WDSUB1: variants seen among roughly 807,000 people sequenced by gnomAD.
WDSUB1 encodes WD repeat, SAM and U-box domain-containing protein 1.
WDSUB1 carries 49 observed loss-of-function variants against 53.9 expected under a neutral mutation model. The ratio of observed to expected loss-of-function variants is 0.91; its 90% CI spans 0.72 to 1.15. The LOEUF is 1.15. Ranked by LOEUF, WDSUB1 falls within the 50% of genes most tolerant of loss-of-function variation. WDSUB1 has a pLI of 0.00. For synonymous variants in WDSUB1, 194 were observed against 200.6 expected (o/e 0.97, Z 0.28); for missense variants, 514 against 562.0 (o/e 0.91, Z 0.86).
Position 159,248,443 on chromosome 2 carries a change from G to A in WDSUB1, c.1202C>T (p.Ser401Phe), listed in dbSNP as rs376818440. The A allele has an allele frequency of 9.5e-5, 152 of 1,606,524 alleles. No homozygotes were observed. The highest frequency in any genetic ancestry group is 1.2e-4 in the Non-Finnish European group (138 of 1,177,630). ...EELRTKVKSL[S>F]SGIPDEFICP... ...TATAAATTCATCAGGAATTCCTGAA[G>A]AAAGGGATTTAACCTTGGTCCTGAG... The change falls in exon 10 of 11, where the codon TCT becomes TTT. Residue 401 changes from serine to phenylalanine, a missense_variant. Transcript: ENST00000359774.
chr2:159,275,119 G>A (rs1247451065), intron 4 of WDSUB1, among the ~76,000 whole-genome samples: 4 of 152,056 alleles, frequency 2.6e-5, no homozygotes, highest in African/African-American at 4.8e-5. Context: ...ATAACATAAC[G>A]GAATAGTTTA....
At chr2:159,267,541 G>C (rs1246486566) in intron 5 of WDSUB1, among the ~76,000 whole-genome samples, 2 of 152,098 alleles carry the variant, frequency 1.3e-5, no homozygotes, top group Non-Finnish European at 2.9e-5. Flanking sequence ...CTGGCCTCAA[G>C]TGATCCTTCT....
chr2:159,244,865 A>C (rs549139499), intron 10 of WDSUB1, among the ~76,000 whole-genome samples: 1 of 152,292 alleles, frequency 6.6e-6, no homozygotes, highest in Admixed American at 6.5e-5. Context: ...AGGAGGTCGA[A>C]ACTGCAGTGA....
chr2:159,267,538 C>T (rs2151118478), intron 5 of WDSUB1, among the ~76,000 whole-genome samples: 1 of 152,250 alleles, frequency 6.6e-6, no homozygotes, highest in South Asian at 2.1e-4. Context: ...CTCCTGGCCT[C>T]AAGTGATCCT....
At chr2:159,259,232 C>T (rs56349910) in intron 6 of WDSUB1, among the ~76,000 whole-genome samples, 63,912 of 151,914 alleles carry the variant, frequency 0.42, 14,733 homozygotes, top group Non-Finnish European at 0.54. Flanking sequence ...ACCATGTTGG[C>T]CAGGCTGGTC....
intron 10 of WDSUB1, among the ~76,000 whole-genome samples, chr2:159,239,773 T>G (rs965517718): frequency 6.6e-6 from 1 of 152,168 alleles, no homozygotes. Context: ...GTTTTGGTTG[T>G]TTCACCTCTG....
chr2:159,260,297 T>G (rs2061161702), intron 5 of WDSUB1, among the ~76,000 whole-genome samples: 1 of 151,194 alleles, frequency 6.6e-6, no homozygotes, highest in South Asian at 2.1e-4. Context: ...AAAGTGAGAC[T>G]CTATCTCAAA....
intron 5 of WDSUB1, 119 bp from the exon 6 acceptor site, chr2:159,259,962 AT>A: frequency 9.2e-7 from 1 of 1,083,792 alleles, no homozygotes; most frequent in Non-Finnish European, 1.3e-6. Context: ...ATTAACATAC[AT>A]TTAGAATGCA....
chr2:159,267,052 C>T (rs1176294702), intron 5 of WDSUB1, among the ~76,000 whole-genome samples: 1 of 152,022 alleles, frequency 6.6e-6, no homozygotes, highest in Non-Finnish European at 1.5e-5. Context: ...GGATTACAGG[C>T]ATGAGCCACC....
intron 9 of WDSUB1, among the ~76,000 whole-genome samples, chr2:159,248,967 A>C (rs1015005796): frequency 5.3e-5 from 8 of 152,194 alleles, no homozygotes; most frequent in African/African-American, 1.9e-4. Flanking sequence ...TACCGCATGA[A>C]CTATTGTTTT....
At position 159,242,167 on chromosome 2, in the gene WDSUB1, C is replaced by T. The variant is rs1259402044; in HGVS notation, c.1274-5977G>A. Reference sequence around the variant, plus strand: ...CTGGGTTCATGCCATTCTCCTGCCTCAGCCTCCCAAGCAGCTGGGACTACA... The same window carrying T: ...CTGGGTTCATGCCATTCTCCTGCCTTAGCCTCCCAAGCAGCTGGGACTACA... On this transcript the variant is annotated intron_variant, in intron 10 of 10. Transcript: ENST00000359774. Among the ~76,000 whole-genome samples the T allele has an allele frequency of 1.2e-4, 18 of 147,120 alleles. 4 individuals carry two copies. Among genetic ancestry groups the T allele is most frequent in the African/African-American group, 4.8e-4 (18 of 37,614 alleles).
intron 5 of WDSUB1, among the ~76,000 whole-genome samples, chr2:159,266,987 G>A (rs934570861): frequency 6.6e-6 from 1 of 151,906 alleles, no homozygotes; most frequent in South Asian, 2.1e-4. Context: ...TGCCCAGGCT[G>A]GTCTCAAACT....
chr2:159,251,739 AC>A (rs1422273159), intron 9 of WDSUB1, among the ~76,000 whole-genome samples: 1 of 152,232 alleles, frequency 6.6e-6, no homozygotes, highest in East Asian at 1.9e-4. Context: ...ATGCTACATC[AC>A]TGAGAGTTTG....
intron 8 of WDSUB1, among the ~76,000 whole-genome samples, chr2:159,256,786 A>G (rs1214195212): frequency 6.6e-6 from 1 of 152,214 alleles, no homozygotes; most frequent in African/African-American, 2.4e-5. Flanking sequence ...CTCCTAAATT[A>G]TGTGCCAATG....
chr2:159,242,876 C>G (rs567548185), intron 10 of WDSUB1, among the ~76,000 whole-genome samples: 1 of 147,660 alleles, frequency 6.8e-6, no homozygotes, highest in East Asian at 2.1e-4. Context: ...GAAATACAAA[C>G]AGGTCCTGAA....
chr2:159,264,414 AG>A (rs1375277624), intron 5 of WDSUB1, among the ~76,000 whole-genome samples: 1 of 152,242 alleles, frequency 6.6e-6, no homozygotes, highest in South Asian at 2.1e-4. Context: ...GCTGAGCAAG[AG>A]GGGGCTGTTC....
Position 159,235,871 on chromosome 2 carries a change from C to T in WDSUB1, c.*162G>A. Reference sequence around the variant, plus strand: ...TACAAAAAGGCTTTTATAGTAAGTCCATGTGTTTTTTAAAGAATGAAAATT... The same window carrying T: ...TACAAAAAGGCTTTTATAGTAAGTCTATGTGTTTTTTAAAGAATGAAAATT... On this transcript the variant is annotated 3_prime_UTR_variant, in exon 11 of 11. Transcript: ENST00000359774. 2 of 556,578 alleles carry T rather than the reference C, an allele frequency of 3.6e-6. No individual in the cohort carries two copies. The highest frequency in any genetic ancestry group is 4.4e-5 in the Admixed American group (1 of 22,592). 34.5% of individuals were successfully genotyped at this position (556,578 alleles called of 1,614,324 possible). A position where few individuals can be genotyped will look rare whatever the true frequency, so the allele number is the denominator to read the frequency against.
At chr2:159,273,243 T>C (rs2061477098) in intron 4 of WDSUB1, among the ~76,000 whole-genome samples, 1 of 152,120 alleles carries the variant, frequency 6.6e-6, no homozygotes, top group East Asian at 1.9e-4. Context: ...TAAATAGGCA[T>C]GATTAATCAA....
chr2:159,268,114 T>G (rs1385326612), intron 5 of WDSUB1, among the ~76,000 whole-genome samples: 1 of 152,202 alleles, frequency 6.6e-6, no homozygotes, highest in East Asian at 1.9e-4. Context: ...CAATATTGAG[T>G]ATCACTTAAC....
Sources: allele counts gnomAD v4.1 joint callset (sites outside exome capture counted in the v4.1 genomes callset), GRCh38; gene constraint gnomAD v4.1.1; transcripts MANE v1.5; gene names NCBI Gene and HGNC (gene_info 2026-07-23, HGNC 2026-07-21).